Variants in BCKDHA observed in about 807,000 individuals in gnomAD.
BCKDHA encodes 2-oxoisovalerate dehydrogenase subunit alpha, mitochondrial.
BCKDHA carries 43 observed loss-of-function variants against 52.2 expected under a neutral mutation model. That is an observed-to-expected ratio of 0.82 (90% CI 0.64 to 1.06). The LOEUF is 1.06. Among genes scored for constraint, BCKDHA ranks in the 50% least tolerant of loss-of-function variants. The pLI is 0.00. For synonymous variants in BCKDHA, 234 were observed against 247.9 expected (o/e 0.94, Z 0.53); for missense variants, 527 against 621.3 (o/e 0.85, Z 1.61).
chr19:41,414,097 G>A lies in BCKDHA; in HGVS notation c.424G>A (p.Val142Met), dbSNP rs750226738. ...CAACTATGGTGAGGAGGGCACGCAC[G>A]TGGGGAGTGCCGCCGCCCTGGACAA... ...MTNYGEEGTH[V>M]GSAAALDNTD... The change falls in exon 4 of 9, where the codon GTG becomes ATG. Residue 142 changes from valine to methionine, a missense_variant. Val to Met is a conservative substitution (Grantham distance 21). Transcript: ENST00000269980. 18 of 1,613,632 alleles carry A rather than the reference G, an allele frequency of 1.1e-5. No homozygotes were observed. Among genetic ancestry groups the A allele is most frequent in the South Asian group, 8.8e-5 (8 of 91,094 alleles).
intron 1 of BCKDHA, among the ~76,000 whole-genome samples, chr19:41,405,824 T>G (rs1380142503): frequency 6.6e-6 from 1 of 152,192 alleles, no homozygotes; most frequent in Non-Finnish European, 1.5e-5. Flanking sequence ...GTCACCCCAG[T>G]ACTTCCTGGG....
Position 41,422,782 on chromosome 19 carries a change from TCCC to T in BCKDHA, c.995+16_995+18del, listed in dbSNP as rs753093318. 2 of 1,611,950 alleles carry T rather than the reference TCCC, an allele frequency of 1.2e-6. No homozygotes were observed. Among genetic ancestry groups the T allele is most frequent in the Non-Finnish European group, 1.7e-6 (2 of 1,179,852 alleles). ...GCCATGACCTACAGGTGCCTGCCGC[TCCC>T]CCCGTCAGCACCCCCACAGCACTGA... On this transcript the variant is annotated intron_variant, in intron 7 of 8. Transcript: ENST00000269980.
chr19:41,424,588 C>G lies in BCKDHA; in HGVS notation c.1318C>G (p.Leu440Val). ...HLQTYGEHYP[L>V]DHFDK Reference sequence around the variant, plus strand: ...GCAGACCTACGGGGAGCACTACCCACTGGATCACTTCGATAAGTGAGACCT... The same window carrying G: ...GCAGACCTACGGGGAGCACTACCCAGTGGATCACTTCGATAAGTGAGACCT... The change falls in exon 9 of 9, where the codon CTG becomes GTG. Residue 440 changes from leucine (L) to valine (V), a missense_variant. By Grantham distance (32) the Leu-to-Val change is conservative. Coordinates refer to ENST00000269980, the MANE Select transcript of BCKDHA (RefSeq NM_000709.4). 6.2e-7 allele frequency: 1 copy of G among 1,609,610 alleles called. No individual in the cohort carries two copies. The highest frequency in any genetic ancestry group is 1.7e-5 in the Admixed American group (1 of 59,852).
In BCKDHA at chr19:41,424,464, G is replaced by C; in HGVS notation, c.1194G>C (p.Glu398Asp). 6.2e-7 allele frequency: 1 copy of C among 1,614,164 alleles called. No homozygotes were observed. The highest frequency in any genetic ancestry group is 8.5e-7 in the Non-Finnish European group (1 of 1,180,042). ...RKVMEAFEQA[E>D]RKPKPNPNLL... ...TGATGGAGGCCTTTGAGCAGGCCGA[G>C]CGGAAGCCCAAACCCAACCCCAACC... The change falls in exon 9 of 9, where the codon GAG becomes GAC. Residue 398 changes from glutamate (E) to aspartate (D), a missense_variant. Transcript: ENST00000269980.
At chr19:41,418,805 G>A (rs535377205) in intron 4 of BCKDHA, 1 of 450,188 alleles carries the variant, frequency 2.2e-6, no homozygotes, top group East Asian at 6.5e-5. Context: ...CTCTCAAAGT[G>A]CTGGGATTAC....
intron 8 of BCKDHA, among the ~76,000 whole-genome samples, chr19:41,423,566 T>G (rs1327024306): frequency 6.6e-6 from 1 of 152,204 alleles, no homozygotes; most frequent in Non-Finnish European, 1.5e-5. Context: ...GCGCAGTGGC[T>G]CACGCCTGTA....
At chr19:41,408,344 G>C (rs994523421) in intron 1 of BCKDHA, among the ~76,000 whole-genome samples, 5 of 151,648 alleles carry the variant, frequency 3.3e-5, no homozygotes, top group Middle Eastern at 6.8e-3. Context: ...CTACTCAAGG[G>C]CAATGGCAGA....
chr19:41,420,393 A>C (rs2039351465), intron 5 of BCKDHA, among the ~76,000 whole-genome samples: 1 of 152,136 alleles, frequency 6.6e-6, no homozygotes, highest in South Asian at 2.1e-4. Flanking sequence ...GGGAAAAAAA[A>C]AAGTGCAGGA....
At chr19:41,421,980 T>C (rs1227219557) in intron 5 of BCKDHA, among the ~76,000 whole-genome samples, 184 bp from the exon 6 acceptor site, 1 of 152,084 alleles carries the variant, frequency 6.6e-6, no homozygotes, top group Non-Finnish European at 1.5e-5. Flanking sequence ...TGCTTTCAGC[T>C]GAGCAAGAGG....
intron 8 of BCKDHA, among the ~76,000 whole-genome samples, chr19:41,423,543 A>G (rs1263939935): frequency 6.6e-6 from 1 of 151,710 alleles, no homozygotes; most frequent in African/African-American, 2.4e-5. Flanking sequence ...AAAAATACAA[A>G]AATTAGGGCT....
chr19:41,400,650 C>A (rs901738942), intron 1 of BCKDHA, among the ~76,000 whole-genome samples: 1 of 152,120 alleles, frequency 6.6e-6, no homozygotes, highest in African/African-American at 2.4e-5. Context: ...TCCCAAAGTG[C>A]AGGATGACAA....
intron 4 of BCKDHA, among the ~76,000 whole-genome samples, chr19:41,417,495 T>C (rs934274768): frequency 2.6e-5 from 4 of 152,184 alleles, no homozygotes; most frequent in African/African-American, 9.6e-5. Flanking sequence ...TTTCTATCTG[T>C]TACATATGCA....
intron 1 of BCKDHA, among the ~76,000 whole-genome samples, chr19:41,409,569 G>A (rs115211514): frequency 0.013 from 1,992 of 152,098 alleles, 51 homozygotes; most frequent in African/African-American, 0.043. Flanking sequence ...TTTGCCAGGC[G>A]ATAGGGAAAG....
intron 3 of BCKDHA, among the ~76,000 whole-genome samples, chr19:41,413,784 G>A (rs981896031): frequency 3.3e-5 from 5 of 151,946 alleles, no homozygotes; most frequent in African/African-American, 7.3e-5. Flanking sequence ...CCATCTTTGC[G>A]CACTGGTCCT....
chr19:41,413,899 G>A, intron 3 of BCKDHA, 150 bp from the exon 4 acceptor site: 1 of 720,460 alleles, frequency 1.4e-6, no homozygotes, highest in South Asian at 1.5e-5. Flanking sequence ...CTTCTTAAAG[G>A]CAGGAACCCC....
chr19:41,422,284 T>C lies in BCKDHA; in HGVS notation c.767T>C (p.Leu256Pro). Residue 256 changes from leucine to proline, a missense_variant, in exon 6 of 9, where the codon CTT (leucine) becomes CCT (proline). Leu to Pro is a moderately conservative substitution (Grantham distance 98, BLOSUM62 -3). Transcript: ENST00000269980. Reference protein sequence around the residue: ...AHAGFNFAATLECPIIFFCRN... With the variant: ...AHAGFNFAATPECPIIFFCRN... ...GCCGGCTTCAACTTCGCTGCCACACTTGAGTGCCCCATCATCTTCTTCTGC... is the reference window on the plus strand; with the variant it reads ...GCCGGCTTCAACTTCGCTGCCACACCTGAGTGCCCCATCATCTTCTTCTGC... The C allele has an allele frequency of 6.2e-7, 1 of 1,614,220 alleles. No homozygotes were observed. The highest frequency in any genetic ancestry group is 8.5e-7 in the Non-Finnish European group (1 of 1,180,024).
chr19:41,402,168 G>T (rs1376329387), intron 1 of BCKDHA, among the ~76,000 whole-genome samples: 1 of 152,112 alleles, frequency 6.6e-6, no homozygotes, highest in Non-Finnish European at 1.5e-5. Context: ...GCACGTGAAA[G>T]ATCCACCCCC....
rs1470185989 is a variant in BCKDHA at position 41,422,994 on chromosome 19, G to A, written c.996-4G>A. On this transcript the variant is annotated splice_polypyrimidine_tract_variant and splice_region_variant and intron_variant, in intron 7 of 8. Coordinates refer to ENST00000269980, the MANE Select transcript of BCKDHA (RefSeq NM_000709.4). ...CTGACCTGGGGCCCCTTGCCCCTGT[G>A]CAGGATCGGGCACCACAGCACCAGT... The A allele has an allele frequency of 6.2e-7, 1 of 1,608,336 alleles. No individual in the cohort carries two copies. The highest frequency in any genetic ancestry group is 8.5e-7 in the Non-Finnish European group (1 of 1,177,562).
intron 1 of BCKDHA, among the ~76,000 whole-genome samples, chr19:41,401,201 C>T (rs1266687325): frequency 6.6e-6 from 1 of 151,776 alleles, no homozygotes; most frequent in Admixed American, 6.6e-5. Flanking sequence ...CTCAGCCTCC[C>T]GAGTAGCTGG....
Sources: gnomAD v4.1 joint callset for allele counts (sites outside exome capture counted in the v4.1 genomes callset) on GRCh38, gnomAD v4.1.1 for gene constraint, MANE v1.5 for transcripts, NCBI Gene and HGNC (gene_info 2026-07-23, HGNC 2026-07-21) for gene names.